Variants in NFATC2 observed in about 807,000 individuals in gnomAD.
NFATC2 encodes nuclear factor of activated T-cells, cytoplasmic 2.
NFATC2 carries 22 observed loss-of-function variants against 87.3 expected under a neutral mutation model. The ratio of observed to expected loss-of-function variants is 0.25; its 90% CI spans 0.18 to 0.36. The LOEUF (loss-of-function observed/expected upper bound fraction) is 0.36, where lower values mean the gene tolerates loss of function less well. NFATC2 is among the 10% of genes least tolerant of loss of function. NFATC2 has a pLI of 1.00. For synonymous variants in NFATC2, 565 were observed against 542.2 expected, an observed-to-expected ratio of 1.04 and a Z score of -0.58; for missense variants, 1,149 against 1,259.1, an observed-to-expected ratio of 0.91 and a Z score of 1.32.
At chr20:51,429,823 T>C (rs1018453308) in intron 9 of NFATC2, among the ~76,000 whole-genome samples, 8 of 152,190 alleles carry the variant, frequency 5.3e-5, no homozygotes, top group African/African-American at 1.7e-4. Flanking sequence ...TAACATCCCA[T>C]GGGCTGGGGT....
intron 1 of NFATC2, among the ~76,000 whole-genome samples, chr20:51,550,548 G>A (rs1423313696): frequency 5.3e-5 from 8 of 151,992 alleles, no homozygotes; most frequent in East Asian, 1.9e-4. Flanking sequence ...CCGAGATTGC[G>A]CCATTGTACT....
chr20:51,444,364 G>A (rs890263189), intron 6 of NFATC2, among the ~76,000 whole-genome samples: 2 of 151,694 alleles, frequency 1.3e-5, no homozygotes, highest in Admixed American at 6.6e-5. Flanking sequence ...AATGGGCATC[G>A]CTAACCAGCC....
intron 5 of NFATC2, among the ~76,000 whole-genome samples, chr20:51,461,843 T>A (rs1252680540): frequency 6.6e-6 from 1 of 152,148 alleles, no homozygotes; most frequent in Non-Finnish European, 1.5e-5. Flanking sequence ...AGGCTGGGTG[T>A]GGTGGCTCAC....
At chr20:51,469,883 G>T (rs1988035421) in intron 5 of NFATC2, among the ~76,000 whole-genome samples, 1 of 152,206 alleles carries the variant, frequency 6.6e-6, no homozygotes, top group Admixed American at 6.5e-5. Flanking sequence ...CCAGAACAGT[G>T]AGAGAACACA....
At chr20:51,403,088 C>T (rs926829329) in intron 9 of NFATC2, among the ~76,000 whole-genome samples, 4 of 152,208 alleles carry the variant, frequency 2.6e-5, no homozygotes, top group East Asian at 3.9e-4. Flanking sequence ...CCAACTCAAG[C>T]GCACGTCCTG....
intron 1 of NFATC2, among the ~76,000 whole-genome samples, chr20:51,557,166 A>G (rs2076985712): frequency 6.6e-6 from 1 of 152,158 alleles, no homozygotes; most frequent in Non-Finnish European, 1.5e-5. Flanking sequence ...CCTACTCTAT[A>G]CCAAGCTCTC....
chr20:51,456,270 C>A (rs1220519862), intron 5 of NFATC2, among the ~76,000 whole-genome samples: 1 of 152,154 alleles, frequency 6.6e-6, no homozygotes, highest in Non-Finnish European at 1.5e-5. Context: ...CAGGCCTGTG[C>A]TGAGCACTAA....
chr20:51,415,058 C>G (rs1268262462), intron 9 of NFATC2, among the ~76,000 whole-genome samples: 1 of 151,780 alleles, frequency 6.6e-6, no homozygotes, highest in Non-Finnish European at 1.5e-5. Context: ...TGAGACCAGC[C>G]TGGGCAACAT....
chr20:51,504,551 CATGCA>C (rs1227606879), intron 3 of NFATC2, among the ~76,000 whole-genome samples: 1 of 152,244 alleles, frequency 6.6e-6, no homozygotes, highest in Non-Finnish European at 1.5e-5. Flanking sequence ...GGAACTTATT[CATGCA>C]ACCAAACACC....
chr20:51,505,658 G>A (rs180979791), intron 3 of NFATC2, among the ~76,000 whole-genome samples: 14 of 152,188 alleles, frequency 9.2e-5, no homozygotes, highest in Admixed American at 5.9e-4. Context: ...ATGCTTTTAC[G>A]TTCAGCTCTC....
intron 9 of NFATC2, among the ~76,000 whole-genome samples, chr20:51,403,052 C>G (rs931245555): frequency 8.5e-5 from 13 of 152,240 alleles, no homozygotes; most frequent in South Asian, 4.1e-4. Flanking sequence ...ACACCTCCCC[C>G]CAACACATCC....
At position 51,432,546 on chromosome 20, in the gene NFATC2, G is replaced by A. The variant is rs368037048; in HGVS notation, c.2243C>T (p.Ala748Val). ...PDARYQQQNP[A>V]AVLYQRSKSL... ...CTTGCTCCGCTGGTAGAGTACGGCCGCTGGGTTCTGTTGCTGGTAGCGGGC... is the reference window on the plus strand; with the variant it reads ...CTTGCTCCGCTGGTAGAGTACGGCCACTGGGTTCTGTTGCTGGTAGCGGGC... The change falls in exon 9 of 11, where the codon GCG (alanine) becomes GTG (valine). Residue 748 changes from alanine to valine, a missense_variant. Physicochemically the swap from Ala to Val is moderately conservative, Grantham distance 64. This residue lies in a region of NFATC2 where 581 missense variants were observed against 649.7 expected (regional missense o/e 0.89). Coordinates refer to ENST00000371564, the MANE Select transcript of NFATC2 (RefSeq NM_012340.5). This position sits in a 1 kb window ranked among gnomAD's most constrained non-coding sequence, Gnocchi z 4.6. The A allele has an allele frequency of 8.4e-6, 13 of 1,546,960 alleles. No individual in the cohort carries two copies. The highest frequency in any genetic ancestry group is 8.2e-5 in the African/African-American group (6 of 72,740).
intron 3 of NFATC2, among the ~76,000 whole-genome samples, chr20:51,498,054 G>A (rs565517907): frequency 2.6e-5 from 4 of 152,160 alleles, no homozygotes; most frequent in Admixed American, 6.5e-5. Flanking sequence ...ATCAAGTCAC[G>A]ACTTCTGTTG....
Position 51,398,691 on chromosome 20 carries a change from AAT to A in NFATC2, c.2760_2761del (p.Leu921MetfsTer9), listed in dbSNP as rs766377141. ...AAAGATCACAGTCATTCTGTTTCAT[AAT>A]ATGTTTTGTATCCAGCTAAGGTGTG... is the stretch of plus-strand genomic sequence containing the variant. On this transcript the variant is annotated frameshift_variant, in exon 10 of 11. Coordinates refer to ENST00000371564, the MANE Select transcript of NFATC2 (RefSeq NM_012340.5). LOFTEE classifies it high-confidence loss of function. The A allele has an allele frequency of 5.6e-6, 9 of 1,613,336 alleles. No homozygotes were observed. The highest frequency in any genetic ancestry group is 7.6e-6 in the Non-Finnish European group (9 of 1,179,618).
At chr20:51,473,666 A>G (rs1988443854) in intron 5 of NFATC2, among the ~76,000 whole-genome samples, 2 of 152,236 alleles carry the variant, frequency 1.3e-5, no homozygotes, top group South Asian at 4.1e-4. Flanking sequence ...AAATGCATCT[A>G]TCCTTTAAGA....
In NFATC2 at chr20:51,524,051, C is replaced by T. The variant is rs762893102; in HGVS notation, c.190G>A (p.Val64Ile). ...PPSGPAYPDD[V>I]LDYGLKPYSP... ...TATGGCTTGAGGCCATAGTCCAGGACATCATCGGGGTATGCGGGTCCGGAG... is the reference window on the plus strand; with the variant it reads ...TATGGCTTGAGGCCATAGTCCAGGATATCATCGGGGTATGCGGGTCCGGAG... The change falls in exon 2 of 11, where the codon GTC (valine) becomes ATC (isoleucine). Residue 64 changes from valine to isoleucine, a missense_variant. Val to Ile is a conservative substitution (Grantham distance 29). Coordinates refer to ENST00000371564, the MANE Select transcript of NFATC2 (RefSeq NM_012340.5). This position sits in a 1 kb window ranked among gnomAD's most constrained non-coding sequence, Gnocchi z 4.0. The T allele has an allele frequency of 1.7e-5, 26 of 1,521,724 alleles. No homozygotes were observed. In the East Asian group the frequency reaches 5.6e-4, roughly 33 times the overall value. The allele number at this position is 1,521,724 out of a possible 1,614,324, so 94.3% of individuals were successfully genotyped here. A position where few individuals can be genotyped will look rare whatever the true frequency, so the allele number is the denominator to read the frequency against.
At chr20:51,506,188 C>T (rs577468700) in intron 3 of NFATC2, among the ~76,000 whole-genome samples, 2 of 152,308 alleles carry the variant, frequency 1.3e-5, no homozygotes, top group South Asian at 2.1e-4. Flanking sequence ...AGGAAAAGCT[C>T]GGCCAGGGTC....
intron 3 of NFATC2, among the ~76,000 whole-genome samples, chr20:51,492,352 G>A (rs957525664): frequency 1.3e-5 from 2 of 152,166 alleles, no homozygotes; most frequent in Non-Finnish European, 1.5e-5. Context: ...AGGAGACTGC[G>A]CAATCAACAG....
At chr20:51,460,568 G>A (rs190895235) in intron 5 of NFATC2, among the ~76,000 whole-genome samples, 35 of 150,452 alleles carry the variant, frequency 2.3e-4, no homozygotes, top group Admixed American at 2.1e-3. Context: ...ATATGCATGT[G>A]TGTACACAGG....
Sources: gnomAD v4.1 joint callset for allele counts (sites outside exome capture counted in the v4.1 genomes callset) on GRCh38, gnomAD v4.1.1 for gene constraint, gnomAD v4.1.1 regional missense constraint, Gnocchi (gnomAD v3.1) non-coding constraint, MANE v1.5 for transcripts, NCBI Gene and HGNC (gene_info 2026-07-23, HGNC 2026-07-21) for gene names.